The following CSPP1 variants were observed in gnomAD, a reference collection of about 807,000 sequenced individuals.
The protein encoded by CSPP1 is centrosome and spindle pole associated protein 1, also known as centrosome and spindle pole-associated protein 1.
Under a neutral mutation model 164.4 loss-of-function variants are expected in CSPP1, and 126 were observed. The observed-to-expected ratio is 0.77, with a 90% CI of 0.66 to 0.89. The LOEUF is 0.89. Ranked by LOEUF, CSPP1 falls within the 40% of genes least tolerant of loss-of-function variation. The probability of loss-of-function intolerance (pLI) is 0.00; values close to 1 mark genes in which losing one functional copy is unlikely to be tolerated. For missense variants in CSPP1, 1,395 were observed against 1,449.8 expected, an observed-to-expected ratio of 0.96 and a Z score of 0.61; for synonymous variants, 472 against 476.7, an observed-to-expected ratio of 0.99 and a Z score of 0.13.
intron 28 of CSPP1, among the ~76,000 whole-genome samples, chr8:67,184,943 C>CAA (rs796384901): frequency 7.4e-3 from 412 of 55,992 alleles, no homozygotes; most frequent in Non-Finnish European, 8.7e-3. Flanking sequence ...ACTAAAAATA[C>CAA]AAAAAAAAAA....
chr8:67,112,602 G>A (rs766276315), intron 10 of CSPP1, among the ~76,000 whole-genome samples: 2 of 151,942 alleles, frequency 1.3e-5, no homozygotes, highest in Non-Finnish European at 2.9e-5. Flanking sequence ...TTCATACGAG[G>A]CCCCCTCCTT....
At chr8:67,079,664 C>CTT (rs1372956740) in intron 3 of CSPP1, among the ~76,000 whole-genome samples, 6 of 152,178 alleles carry the variant, frequency 3.9e-5, no homozygotes, top group Non-Finnish European at 8.8e-5. Context: ...CCTTTGATGG[C>CTT]TTCTTTTTTT....
intron 17 of CSPP1, among the ~76,000 whole-genome samples, chr8:67,142,547 G>A (rs912294117): frequency 6.6e-6 from 1 of 152,070 alleles, no homozygotes; most frequent in Non-Finnish European, 1.5e-5. Flanking sequence ...AGGTATCACA[G>A]TTGTTTATCC....
intron 28 of CSPP1, among the ~76,000 whole-genome samples, chr8:67,187,320 A>G (rs2129574386): frequency 6.6e-6 from 1 of 152,324 alleles, no homozygotes; most frequent in East Asian, 1.9e-4. Flanking sequence ...GAGTTATGAT[A>G]AAGTTATAAT....
Position 67,163,677 on chromosome 8 carries a change from A to G in CSPP1, c.2644-55A>G, listed in dbSNP as rs905278498. Reference sequence around the variant, plus strand: ...ATACTTCAAAAAATTACTCCCTTCAAGCTTCTGTGTAGGGAAGACATACTG... The same window carrying G: ...ATACTTCAAAAAATTACTCCCTTCAGGCTTCTGTGTAGGGAAGACATACTG... On this transcript the variant is annotated intron_variant, in intron 22 of 30. Transcript: ENST00000678616. The G allele has an allele frequency of 3.8e-6, 5 of 1,326,756 alleles. No homozygotes were observed. The African/African-American group carries it at 7.3e-5, about 19-fold the overall frequency. 82.2% of individuals were successfully genotyped at this position (1,326,756 alleles called of 1,614,324 possible).
At chr8:67,140,946 A>T (rs1823367620) in intron 17 of CSPP1, among the ~76,000 whole-genome samples, 1 of 152,318 alleles carries the variant, frequency 6.6e-6, no homozygotes. Context: ...TTCTAACCTA[A>T]CTGCTTGGGA....
chr8:67,144,385 T>C (rs1824074959), intron 17 of CSPP1, among the ~76,000 whole-genome samples: 1 of 152,206 alleles, frequency 6.6e-6, no homozygotes, highest in Non-Finnish European at 1.5e-5. Context: ...CTTTATAATG[T>C]TGTCTGGTTT....
At chr8:67,106,508 A>G (rs1173110171) in intron 9 of CSPP1, among the ~76,000 whole-genome samples, 1 of 151,954 alleles carries the variant, frequency 6.6e-6, no homozygotes, top group African/African-American at 2.4e-5. Flanking sequence ...TCCAAATTAA[A>G]CCTTTCTTTC....
chr8:67,147,973 CAGTGGTGTAATTTTGACTCA>C (rs1357757241), intron 17 of CSPP1, among the ~76,000 whole-genome samples: 1 of 152,060 alleles, frequency 6.6e-6, no homozygotes, highest in Non-Finnish European at 1.5e-5. Context: ...GCCTGAAGTG[CAGTGGTGTAATTTTGACTCA>C]CTGCAACCTG....
intron 21 of CSPP1, among the ~76,000 whole-genome samples, chr8:67,159,912 CTTTCTTTCTTTCCT>C (rs1827667820): frequency 3.3e-5 from 2 of 61,012 alleles, no homozygotes; most frequent in African/African-American, 7.4e-5. Context: ...TTCTTTCTTT[CTTTCTTTCTTTCCT>C]TTCCTTCCTT....
chr8:67,072,266 C>T (rs112959621), intron 1 of CSPP1, among the ~76,000 whole-genome samples: 4,493 of 150,470 alleles, frequency 0.03, 78 homozygotes, highest in Non-Finnish European at 0.046. Context: ...CCAGCCTGGG[C>T]GACAGAGCAA....
At chr8:67,153,927 T>A (rs548582156) in intron 18 of CSPP1, 97 bp from the exon 19 acceptor site, 4 of 595,994 alleles carry the variant, frequency 6.7e-6, no homozygotes, top group South Asian at 6.5e-5. Flanking sequence ...TTTTTTTTTT[T>A]TTAAAAATGA....
rs1554605789 is a variant in CSPP1, at chr8:67,159,957, C to CCTTCTTTTCTTTTCTTTTCTTTTCT, written c.2538+820_2538+821insCTTCTTTTCTTTTCTTTTCTTTTCT. The stretch of plus-strand genomic sequence containing the variant: ...TCCTTCCTTCCTTCCTTCCTTCCTT[C>CCTTCTTTTCTTTTCTTTTCTTTTCT]TTTCTTTTCTTTTCTTTTCTTTTCT... On this transcript the variant is annotated intron_variant, in intron 21 of 30. Transcript: ENST00000678616. 2.1e-3 allele frequency among the ~76,000 whole-genome samples: 43 copies of CCTTCTTTTCTTTTCTTTTCTTTTCT among 20,022 alleles called. 3 individuals are homozygous for CCTTCTTTTCTTTTCTTTTCTTTTCT. Among genetic ancestry groups the CCTTCTTTTCTTTTCTTTTCTTTTCT allele is most frequent in the East Asian group, 7.3e-3 (5 of 688 alleles). The allele number at this position is 20,022 out of a possible 152,430, so 13.1% of individuals were successfully genotyped here.
chr8:67,151,841 G>A (rs796513683), intron 18 of CSPP1, among the ~76,000 whole-genome samples: 33 of 152,154 alleles, frequency 2.2e-4, no homozygotes, highest in African/African-American at 7.2e-4. Context: ...TGTAATCCCA[G>A]CACTTTGGGA....
At chr8:67,188,309 G>A (rs972773546) in intron 28 of CSPP1, among the ~76,000 whole-genome samples, 2 of 152,146 alleles carry the variant, frequency 1.3e-5, no homozygotes, top group South Asian at 2.1e-4. Context: ...AATCTAGGCC[G>A]ACTAAGAATT....
At chr8:67,187,107 A>G (rs1483947173) in intron 28 of CSPP1, among the ~76,000 whole-genome samples, 2 of 152,176 alleles carry the variant, frequency 1.3e-5, no homozygotes, top group Non-Finnish European at 2.9e-5. Flanking sequence ...ATGACCATGC[A>G]CAGGATGACT....
chr8:67,132,849 T>C (rs1821502010), intron 16 of CSPP1, among the ~76,000 whole-genome samples: 1 of 152,246 alleles, frequency 6.6e-6, no homozygotes, highest in East Asian at 1.9e-4. Flanking sequence ...AACTATCAAA[T>C]GTATGGGGTT....
chr8:67,092,312 C>T (rs1380689358), intron 5 of CSPP1, among the ~76,000 whole-genome samples: 2 of 152,132 alleles, frequency 1.3e-5, no homozygotes, highest in Non-Finnish European at 2.9e-5. Flanking sequence ...GTCCATATTC[C>T]TTAGAGATGA....
Position 67,064,406 on chromosome 8 carries a change from T to A in CSPP1, c.-143T>A, listed in dbSNP as rs1164437313. Reference sequence around the variant, plus strand: ...CCGGCCCGGAGGTCTGTCATGCTGTTCCCGCTCCAGGTGGCCGCTGTAACC... The same window carrying A: ...CCGGCCCGGAGGTCTGTCATGCTGTACCCGCTCCAGGTGGCCGCTGTAACC... On this transcript the variant is annotated 5_prime_UTR_variant, in exon 1 of 31. Transcript: ENST00000678616. 2 of 1,613,586 alleles carry A rather than the reference T, an allele frequency of 1.2e-6. No individual in the cohort carries two copies. Among genetic ancestry groups the A allele is most frequent in the Non-Finnish European group, 1.7e-6 (2 of 1,179,848 alleles).
Sources: gnomAD v4.1 joint callset for allele counts (sites outside exome capture counted in the v4.1 genomes callset) on GRCh38, gnomAD v4.1.1 for gene constraint, MANE v1.5 for transcripts, NCBI Gene and HGNC (gene_info 2026-07-23, HGNC 2026-07-21) for gene names.